Variants in ZNF518A observed in about 807,000 individuals in gnomAD.
ZNF518A encodes the protein zinc finger protein 518A.
A neutral mutation model predicts 102.7 loss-of-function variants in ZNF518A; 47 were observed. That is an observed-to-expected ratio of 0.46 (90% CI 0.36 to 0.58). The LOEUF (loss-of-function observed/expected upper bound fraction) is 0.58, where lower values mean the gene tolerates loss of function less well. Among genes scored for constraint, ZNF518A ranks in the 20% least tolerant of loss-of-function variants. The probability of loss-of-function intolerance (pLI) is 0.00; values close to 1 mark genes in which losing one functional copy is unlikely to be tolerated. For missense variants in ZNF518A, 1,793 were observed against 1,699.8 expected, an observed-to-expected ratio of 1.05 and a Z score of -0.96; for synonymous variants, 652 against 594.6, an observed-to-expected ratio of 1.10 and a Z score of -1.40.
chr10:96,204,764 A>T, downstream of ZNF518A: 1 of 715,618 alleles, frequency 1.4e-6, no homozygotes, highest in African/African-American at 1.7e-5. Context: ...GGATCTGTGC[A>T]CTTGCCAGTC....
chr10:96,203,899 A>C lies in ZNF518A; in HGVS notation n.91-21A>C, dbSNP rs587680786. The C allele has an allele frequency of 3.2e-5, 17 of 530,974 alleles. No individual in the cohort carries two copies. The East Asian group carries it at 5.2e-4, about 16-fold the overall frequency. 32.9% of individuals were successfully genotyped at this position (530,974 alleles called of 1,614,324 possible). A position where few individuals can be genotyped will look rare whatever the true frequency, so the allele number is the denominator to read the frequency against. On this transcript the variant is annotated intron_variant and non_coding_transcript_variant, in intron 2 of 2. Coordinates refer to the ZNF518A transcript ENST00000442635. ...TTCAAAACAACTCTGTGAAATAAAC[A>C]TTCTTGGCCCCATTTTACAGGTAAG...
At chr10:96,195,842 A>G (rs1591291127) in intron 1 of ZNF518A, among the ~76,000 whole-genome samples, 1 of 152,260 alleles carries the variant, frequency 6.6e-6, no homozygotes, top group African/African-American at 2.4e-5. Flanking sequence ...TAAAGAATAC[A>G]CATGACTTTT....
chr10:96,197,183 C>T (rs2133932475), intron 1 of ZNF518A: 2 of 742,906 alleles, frequency 2.7e-6, no homozygotes, highest in South Asian at 2.0e-5. Context: ...TATTTAGCTA[C>T]ATTATTTTTA....
At chr10:96,201,931 A>G (rs1452727777) in intron 1 of ZNF518A, among the ~76,000 whole-genome samples, 1 of 152,224 alleles carries the variant, frequency 6.6e-6, no homozygotes, top group Non-Finnish European at 1.5e-5. Context: ...CATAAATGCT[A>G]TGAAGAAAAA....
chr10:96,141,235 A>G (rs77399245), intron 3 of ZNF518A, among the ~76,000 whole-genome samples: 1 of 152,198 alleles, frequency 6.6e-6, no homozygotes, highest in African/African-American at 2.4e-5. Context: ...GTAAAAAATA[A>G]TGAAATTATG....
In ZNF518A at chr10:96,160,565, T is replaced by G. The variant is rs376853469; in HGVS notation, c.4243T>G (p.Ser1415Ala). Residue 1415 changes from serine to alanine, a missense_variant, in exon 6 of 6, where the codon TCT becomes GCT. Physicochemically the swap from Ser to Ala is moderately conservative, Grantham distance 99. Coordinates refer to ENST00000316045, the MANE Select transcript of ZNF518A (RefSeq NM_001330736.2). ...KRHKTFKPVSSVKERFVLKLT... is the reference protein window; with the variant it reads ...KRHKTFKPVSAVKERFVLKLT... ...GCACAAAACATTTAAACCTGTTAGTTCTGTGAAAGAAAGATTTGTGCTAAA... is the reference window on the plus strand; with the variant it reads ...GCACAAAACATTTAAACCTGTTAGTGCTGTGAAAGAAAGATTTGTGCTAAA... The G allele has an allele frequency of 2.1e-5, 34 of 1,611,992 alleles. No individual in the cohort carries two copies. Among genetic ancestry groups the G allele is most frequent in the Admixed American group, 3.3e-5 (2 of 59,712 alleles).
chr10:96,175,897 T>C (rs7091962), intron 1 of ZNF518A, among the ~76,000 whole-genome samples: 29,894 of 117,588 alleles, frequency 0.25, 5,828 homozygotes, highest in Middle Eastern at 0.32. Flanking sequence ...CTTCCTTCCT[T>C]CCTTCCTTCC....
chr10:96,159,919 C>A lies in ZNF518A; in HGVS notation c.3597C>A (p.Asp1199Glu). The A allele has an allele frequency of 6.2e-7, 1 of 1,613,518 alleles. No homozygotes were observed. Among genetic ancestry groups the A allele is most frequent in the Non-Finnish European group, 8.5e-7 (1 of 1,179,704 alleles). The part of the protein sequence containing the change: ...SRDALPFLLD[D>E]LMPANEIVIT... ...ATGCCTTACCCTTCTTACTAGATGACTTAATGCCAGCAAATGAAATTGTGA... is the reference window on the plus strand; with the variant it reads ...ATGCCTTACCCTTCTTACTAGATGAATTAATGCCAGCAAATGAAATTGTGA... The change falls in exon 6 of 6, where the codon GAC becomes GAA. Residue 1199 changes from aspartate (D) to glutamate (E), a missense_variant. By Grantham distance (45) the Asp-to-Glu change is conservative. Around this residue, in one of 3 missense-constraint regions of ZNF518A, gnomAD observed 1,741 missense variants for 1,622.6 expected, o/e 1.07. Transcript: ENST00000316045.
intron 3 of ZNF518A, among the ~76,000 whole-genome samples, chr10:96,138,801 C>T (rs1166052671): frequency 1.3e-5 from 2 of 152,090 alleles, no homozygotes; most frequent in Admixed American, 6.6e-5. Flanking sequence ...AAGGACATTA[C>T]AGATGTAGTT....
intron 1 of ZNF518A, among the ~76,000 whole-genome samples, chr10:96,180,351 T>C (rs1357130019): frequency 3.9e-5 from 6 of 152,020 alleles, no homozygotes; most frequent in Non-Finnish European, 7.4e-5. Flanking sequence ...TTTCATCTTT[T>C]TTTTTTATAT....
intron 1 of ZNF518A, among the ~76,000 whole-genome samples, chr10:96,180,237 C>T (rs1199663405): frequency 5.0e-5 from 7 of 140,100 alleles, no homozygotes; most frequent in Non-Finnish European, 1.1e-4. Context: ...GTTGCTAAGC[C>T]TGGTCTCAAA....
At chr10:96,182,594 G>T (rs1411543321) in intron 1 of ZNF518A, among the ~76,000 whole-genome samples, 1 of 152,120 alleles carries the variant, frequency 6.6e-6, no homozygotes, top group African/African-American at 2.4e-5. Flanking sequence ...GTAATCGTGT[G>T]ATTTTTGTCT....
chr10:96,188,479 G>A (rs2083285696), intron 1 of ZNF518A, among the ~76,000 whole-genome samples: 1 of 152,188 alleles, frequency 6.6e-6, no homozygotes, highest in Non-Finnish European at 1.5e-5. Flanking sequence ...AGGCATAAGA[G>A]GTTGTTATAG....
exon 3 of ZNF518A, chr10:96,203,987 C>T (rs368840919): frequency 1.8e-5 from 25 of 1,353,884 alleles, no homozygotes; most frequent in Non-Finnish European, 2.7e-5. Context: ...TGTTAGAACC[C>T]AGGCCTATCA....
intron 3 of ZNF518A, among the ~76,000 whole-genome samples, chr10:96,137,440 A>G (rs2081657732): frequency 6.6e-6 from 1 of 152,170 alleles, no homozygotes; most frequent in South Asian, 2.1e-4. Flanking sequence ...TTTGCCTTAC[A>G]TCCAAGCTTG....
At chr10:96,187,589 G>A (rs1322550465) in intron 1 of ZNF518A, among the ~76,000 whole-genome samples, 1 of 152,176 alleles carries the variant, frequency 6.6e-6, no homozygotes, top group Non-Finnish European at 1.5e-5. Flanking sequence ...GCTTGTGCTG[G>A]ACACAGGCGT....
chr10:96,159,774 T>TTTTAAATGTGACTGCTG lies in ZNF518A; in HGVS notation c.3453_3469dup (p.Ala1157ValfsTer2), dbSNP rs2082908138. Reference sequence around the variant, plus strand: ...ATATTGCTGAAAATTTTTAACCCTGTTTTAAATGTGACTGCTGCTAATAAT... The same window carrying TTTTAAATGTGACTGCTG: ...ATATTGCTGAAAATTTTTAACCCTGTTTTAAATGTGACTGCTGTTTAAATGTGACTGCTGCTAATAAT... On this transcript the variant is annotated frameshift_variant, in exon 6 of 6. Transcript: ENST00000316045. LOFTEE classifies it high-confidence loss of function. 1 of 1,613,484 alleles carries TTTTAAATGTGACTGCTG rather than the reference T, an allele frequency of 6.2e-7. No homozygotes were observed. The highest frequency in any genetic ancestry group is 8.5e-7 in the Non-Finnish European group (1 of 1,179,790).
chr10:96,160,819 A>G lies in ZNF518A; in HGVS notation c.*45A>G. The G allele has an allele frequency of 1.4e-6, 2 of 1,470,282 alleles. No homozygotes were observed. Among genetic ancestry groups the G allele is most frequent in the Non-Finnish European group, 1.8e-6 (2 of 1,112,770 alleles). The allele number at this position is 1,470,282 out of a possible 1,614,324, so 91.1% of individuals were successfully genotyped here. On this transcript the variant is annotated 3_prime_UTR_variant, in exon 6 of 6. Transcript: ENST00000316045. The stretch of plus-strand genomic sequence containing the variant: ...AAAAGAAAAGTAAAATTACCTTAGA[A>G]GAAAACAACGGGTTCAGTTACCATA...
downstream of ZNF518A, chr10:96,204,147 T>C: frequency 6.4e-7 from 1 of 1,572,180 alleles, no homozygotes; most frequent in Non-Finnish European, 8.8e-7. Flanking sequence ...AAGTTTGACT[T>C]TTTGTTTACA....
Sources: allele counts gnomAD v4.1 joint callset (sites outside exome capture counted in the v4.1 genomes callset), GRCh38; gene constraint gnomAD v4.1.1; regional missense constraint gnomAD v4.1.1; transcripts MANE v1.5; gene names NCBI Gene and HGNC (gene_info 2026-07-23, HGNC 2026-07-21).